The following DPYD variants were observed in gnomAD, a reference collection of about 807,000 sequenced individuals.
The protein encoded by DPYD is dihydropyrimidine dehydrogenase.
A neutral mutation model predicts 116.2 loss-of-function variants in DPYD; 109 were observed. The observed-to-expected ratio is 0.94, with a 90% CI of 0.80 to 1.10. The LOEUF (loss-of-function observed/expected upper bound fraction) is 1.10. Ranked by LOEUF, DPYD falls within the 50% of genes least tolerant of loss-of-function variation. The pLI is 0.00. For missense variants in DPYD, 1,302 were observed against 1,254.5 expected, an observed-to-expected ratio of 1.04 and a Z score of -0.57; for synonymous variants, 440 against 432.0, an observed-to-expected ratio of 1.02 and a Z score of -0.23.
intron 18 of DPYD, among the ~76,000 whole-genome samples, chr1:97,262,454 T>C (rs1275412689): frequency 6.6e-6 from 1 of 152,100 alleles, no homozygotes; most frequent in Non-Finnish European, 1.5e-5. Flanking sequence ...TTATTCCTAG[T>C]AATTAACAAT....
At chr1:97,147,526 T>C (rs1654714965) in intron 20 of DPYD, among the ~76,000 whole-genome samples, 1 of 152,110 alleles carries the variant, frequency 6.6e-6, no homozygotes, top group Non-Finnish European at 1.5e-5. Flanking sequence ...CTGGCAGTGA[T>C]ATGTAAAGGG....
chr1:97,594,734 T>C (rs1383043686), intron 9 of DPYD, among the ~76,000 whole-genome samples: 1 of 152,106 alleles, frequency 6.6e-6, no homozygotes, highest in Non-Finnish European at 1.5e-5. Context: ...ATAAGATATG[T>C]GACGATTCAT....
intron 3 of DPYD, among the ~76,000 whole-genome samples, chr1:97,780,728 C>T (rs1443585141): frequency 6.6e-6 from 1 of 152,180 alleles, no homozygotes; most frequent in African/African-American, 2.4e-5. Flanking sequence ...CAGATGGAAA[C>T]ATGCAACTTG....
intron 21 of DPYD, 114 bp downstream of exon 21, chr1:97,098,375 T>G: frequency 7.8e-7 from 1 of 1,287,044 alleles, no homozygotes; most frequent in Non-Finnish European, 1.1e-6. Flanking sequence ...AAACTTTCAT[T>G]ATAATTCTAA....
intron 20 of DPYD, among the ~76,000 whole-genome samples, chr1:97,111,163 G>T (rs1182861789): frequency 6.6e-6 from 1 of 151,972 alleles, no homozygotes; most frequent in Non-Finnish European, 1.5e-5. Flanking sequence ...TCATCCTTGG[G>T]CTACTGCAAT....
chr1:97,284,134 T>C (rs79652940), intron 18 of DPYD, among the ~76,000 whole-genome samples: 11,663 of 152,174 alleles, frequency 0.077, 1,004 homozygotes, highest in African/African-American at 0.21. Flanking sequence ...ATAATGGTAT[T>C]TTCTAGAATG....
At chr1:97,316,353 A>C (rs1055954597) in intron 16 of DPYD, among the ~76,000 whole-genome samples, 26 of 150,292 alleles carry the variant, frequency 1.7e-4, no homozygotes, top group Middle Eastern at 3.2e-3. Context: ...AAAAAAAAAA[A>C]CAAAAAAACA....
intron 2 of DPYD, among the ~76,000 whole-genome samples, chr1:97,851,249 CAT>C (rs60887494): frequency 0.23 from 34,051 of 146,892 alleles, 4,061 homozygotes; most frequent in South Asian, 0.25. Context: ...GTCTAATTAC[CAT>C]ATATATATAT....
intron 13 of DPYD, chr1:97,514,153 G>A (rs1012835225): frequency 1.0e-5 from 10 of 958,794 alleles, no homozygotes; most frequent in Non-Finnish European, 1.2e-5. Flanking sequence ...TCAAATTGGA[G>A]GTTTAGAAGG....
At chr1:97,738,881 C>A (rs1056781241) in intron 4 of DPYD, among the ~76,000 whole-genome samples, 1 of 152,032 alleles carries the variant, frequency 6.6e-6, no homozygotes, top group Non-Finnish European at 1.5e-5. Context: ...CTTGCTTAGA[C>A]ATTTTGTAAA....
At chr1:97,318,440 G>A (rs915419917) in intron 16 of DPYD, among the ~76,000 whole-genome samples, 1 of 150,244 alleles carries the variant, frequency 6.7e-6, no homozygotes, top group African/African-American at 2.4e-5. Flanking sequence ...CCTAGTCTCT[G>A]ATAAAACAGA....
chr1:97,324,487 C>G (rs190437535), intron 16 of DPYD, among the ~76,000 whole-genome samples: 2 of 152,030 alleles, frequency 1.3e-5, no homozygotes, highest in Non-Finnish European at 2.9e-5. Context: ...ATGCCAAATA[C>G]TGCTTCTGTT....
At chr1:97,811,618 T>C (rs7519112) in intron 3 of DPYD, among the ~76,000 whole-genome samples, 2,680 of 152,270 alleles carry the variant, frequency 0.018, 88 homozygotes, top group African/African-American at 0.06. Context: ...AAAATAACTT[T>C]GTTTCGAAAC....
intron 19 of DPYD, among the ~76,000 whole-genome samples, chr1:97,194,927 TA>T (rs1359203593): frequency 6.6e-6 from 1 of 152,094 alleles, no homozygotes; most frequent in Non-Finnish European, 1.5e-5. Flanking sequence ...GTTCTTCCAC[TA>T]AAAAAACCCT....
chr1:97,683,770 C>T (rs917199593), intron 7 of DPYD, among the ~76,000 whole-genome samples: 3 of 151,402 alleles, frequency 2.0e-5, no homozygotes, highest in Admixed American at 1.3e-4. Context: ...TTAAAAAATG[C>T]AAATATGGCT....
chr1:97,740,308 A>C, intron 4 of DPYD, 84 bp downstream of exon 4: 1 of 1,167,948 alleles, frequency 8.6e-7, no homozygotes, highest in Non-Finnish European at 1.3e-6. Flanking sequence ...ATTTGCTAAG[A>C]CAAGCTGTAT....
chr1:97,813,574 T>C (rs147316596), intron 3 of DPYD, among the ~76,000 whole-genome samples: 2,695 of 152,260 alleles, frequency 0.018, 91 homozygotes, highest in African/African-American at 0.061. Context: ...CTAAGAGTAT[T>C]ACCTCTGTGG....
intron 14 of DPYD, among the ~76,000 whole-genome samples, chr1:97,449,238 G>C (rs374349602): frequency 6.6e-6 from 1 of 151,886 alleles, no homozygotes; most frequent in South Asian, 2.1e-4. Flanking sequence ...AAATATTTTC[G>C]ATGACATAAA....
At chr1:97,085,266 C>G (rs977250328) in intron 21 of DPYD, among the ~76,000 whole-genome samples, 2 of 152,160 alleles carry the variant, frequency 1.3e-5, no homozygotes, top group African/African-American at 4.8e-5. Context: ...ACAGGAAACT[C>G]TCTAGGCAGT....
Sources: gnomAD v4.1 joint callset for allele counts (sites outside exome capture counted in the v4.1 genomes callset) on GRCh38, gnomAD v4.1.1 for gene constraint, MANE v1.5 for transcripts, NCBI Gene and HGNC (gene_info 2026-07-23, HGNC 2026-07-21) for gene names.